The following KIFC3 variants were observed in gnomAD, a reference collection of about 807,000 sequenced individuals.
KIFC3 encodes the protein kinesin-like protein KIFC3.
A neutral mutation model predicts 101.8 loss-of-function variants in KIFC3; 60 were observed. The observed-to-expected ratio is 0.59, with a 90% CI of 0.48 to 0.73. The LOEUF (loss-of-function observed/expected upper bound fraction) is 0.73, where lower values mean the gene tolerates loss of function less well. Ranked by LOEUF, KIFC3 falls within the 30% of genes least tolerant of loss-of-function variation. The pLI is 0.00. For missense variants in KIFC3, 966 were observed against 1,137.1 expected, an observed-to-expected ratio of 0.85 and a Z score of 2.16; for synonymous variants, 476 against 482.7, an observed-to-expected ratio of 0.99 and a Z score of 0.18.
intron 9 of KIFC3, among the ~76,000 whole-genome samples, chr16:57,768,581 G>C (rs1334517028): frequency 6.7e-6 from 1 of 149,546 alleles, no homozygotes; most frequent in Non-Finnish European, 1.5e-5. Context: ...GGGAAATGCT[G>C]AGAGGCCACA....
At chr16:57,854,100 C>T (rs551585994) in intron 1 of KIFC3, among the ~76,000 whole-genome samples, 1 of 152,090 alleles carries the variant, frequency 6.6e-6, no homozygotes, top group East Asian at 1.9e-4. Context: ...CACCATCACA[C>T]CCAGCTAATT....
chr16:57,803,437 C>G (rs1555626285), upstream of KIFC3: 2 of 485,656 alleles, frequency 4.1e-6, no homozygotes, highest in African/African-American at 3.9e-5. Context: ...CCAGCCCATG[C>G]AGGCTGACGG....
intron 1 of KIFC3, among the ~76,000 whole-genome samples, chr16:57,840,236 G>T (rs1343894437): frequency 2.6e-5 from 4 of 152,134 alleles, no homozygotes; most frequent in African/African-American, 9.7e-5. Flanking sequence ...TGCTCAGGAG[G>T]CTGAGGCAGA....
chr16:57,769,866 A>G lies in KIFC3; in HGVS notation c.1029T>C (p.Ile343=), dbSNP rs1555606242. 3 of 1,613,678 alleles carry G rather than the reference A, an allele frequency of 1.9e-6. No individual in the cohort carries two copies. The highest frequency in any genetic ancestry group is 2.5e-6 in the Non-Finnish European group (3 of 1,180,008). ...CCTGGGCTCTGGCAAAGGCCTCCTC[A>G]ATGGCCCGGTTCTTGTCCTCTTCCA... is the stretch of plus-strand genomic sequence containing the variant. ...QSLEEDKNRA[I]EEAFARAQVE... Residue 343 remains isoleucine, a synonymous_variant, in exon 8 of 20, where the codon ATT becomes ATC. Transcript: ENST00000445690. This position sits in a 1 kb window ranked among gnomAD's most constrained non-coding sequence, Gnocchi z 4.3.
At chr16:57,855,885 G>A (rs1411104166) in intron 1 of KIFC3, among the ~76,000 whole-genome samples, 1 of 150,094 alleles carries the variant, frequency 6.7e-6, no homozygotes, top group African/African-American at 2.4e-5. Context: ...GGCAGAGGTT[G>A]TAGTGAGCCA....
chr16:57,765,490 T>G lies in KIFC3; in HGVS notation c.1481A>C (p.Lys494Thr), dbSNP rs1366514516. 6.3e-7 allele frequency: 1 copy of G among 1,588,356 alleles called. No homozygotes were observed. Among genetic ancestry groups the G allele is most frequent in the Non-Finnish European group, 8.6e-7 (1 of 1,166,222 alleles). Residue 494 changes from lysine (K) to threonine (T), a missense_variant, in exon 11 of 20, where the codon AAG (lysine) becomes ACG (threonine). Physicochemically the swap from Lys to Thr is moderately conservative, Grantham distance 78. Coordinates refer to ENST00000445690, the MANE Select transcript of KIFC3 (RefSeq NM_001130100.2). ...KGKPVSFELDKVFSPQASQQD... is the reference protein window; with the variant it reads ...KGKPVSFELDTVFSPQASQQD... ...CTGCGAGGCCTGTGGGGAGAAGACC[T>G]TGTCCAGCTCGAAGGACACAGGCTT...
intron 1 of KIFC3, among the ~76,000 whole-genome samples, chr16:57,825,101 C>T (rs2055431167): frequency 6.6e-6 from 1 of 152,160 alleles, no homozygotes; most frequent in African/African-American, 2.4e-5. Context: ...CCCAGCCCAG[C>T]CCTCCTAGCA....
intron 1 of KIFC3, among the ~76,000 whole-genome samples, chr16:57,858,681 T>C (rs2056230734): frequency 6.6e-6 from 1 of 152,120 alleles, no homozygotes; most frequent in African/African-American, 2.4e-5. Context: ...GTGCAGTGGC[T>C]CACACCTGTC....
chr16:57,775,816 C>T (rs1236433382), intron 3 of KIFC3: 1 of 985,528 alleles, frequency 1.0e-6, no homozygotes, highest in East Asian at 1.1e-4. Flanking sequence ...CCCAGGACAG[C>T]ATGGACGTCA....
At position 57,758,439 on chromosome 16, in the gene KIFC3, C is replaced by T; in HGVS notation, c.*495G>A. ...TCCGCACACCCCCCAGCTGCGGGAA[C>T]CCTCCTTGAAGGAGAGGGGCGGGGA... On this transcript the variant is annotated 3_prime_UTR_variant, in exon 20 of 20. Transcript: ENST00000445690. 2.7e-6 allele frequency: 1 copy of T among 375,034 alleles called. No homozygotes were observed. Among genetic ancestry groups the T allele is most frequent in the Non-Finnish European group, 5.2e-6 (1 of 193,160 alleles). The allele number at this position is 375,034 out of a possible 1,614,324, so 23.2% of individuals were successfully genotyped here.
chr16:57,777,737 A>T (rs2967158), intron 3 of KIFC3, among the ~76,000 whole-genome samples: 141,823 of 148,652 alleles, frequency 0.95, 67,924 homozygotes, highest in African/African-American at 0.99. Context: ...AAAAAAAATT[A>T]AAAAAAAAAA....
chr16:57,784,755 T>C (rs1212016396), intron 3 of KIFC3, among the ~76,000 whole-genome samples: 1 of 150,542 alleles, frequency 6.6e-6, no homozygotes, highest in Non-Finnish European at 1.5e-5. Flanking sequence ...ACACTGAGGA[T>C]GAGAGTGGGG....
At chr16:57,805,058 T>TGACCTCAAGTGATCCCCC (rs1386041457), upstream of KIFC3, among the ~76,000 whole-genome samples, 1 of 152,144 alleles carries the variant, frequency 6.6e-6, no homozygotes, top group Non-Finnish European at 1.5e-5. Context: ...TTCGAACTCC[T>TGACCTCAAGTGATCCCCC]GACCTCAAGT....
At chr16:57,819,452 G>T (rs933742422) in intron 1 of KIFC3, among the ~76,000 whole-genome samples, 1 of 152,194 alleles carries the variant, frequency 6.6e-6, no homozygotes, top group African/African-American at 2.4e-5. Context: ...GATATCTCCT[G>T]TTTGGACACC....
At chr16:57,760,680 G>T in intron 16 of KIFC3, 46 bp downstream of exon 16, 1 of 1,519,032 alleles carries the variant, frequency 6.6e-7, no homozygotes, top group Non-Finnish European at 9.1e-7. Context: ...TGCTAGCGTA[G>T]CCCCTACATG....
intron 1 of KIFC3, among the ~76,000 whole-genome samples, chr16:57,800,932 T>C (rs2054683876): frequency 6.6e-6 from 1 of 152,150 alleles, no homozygotes. Flanking sequence ...CTGGCTCCCC[T>C]GTTTACTAGA....
At chr16:57,853,480 AG>A (rs2056099672) in intron 1 of KIFC3, among the ~76,000 whole-genome samples, 1 of 152,158 alleles carries the variant, frequency 6.6e-6, no homozygotes, top group East Asian at 1.9e-4. Context: ...AGGATAAGAA[AG>A]GGCAAACAGA....
chr16:57,773,977 T>C (rs1283227008), intron 3 of KIFC3: 10 of 152,218 alleles, frequency 6.6e-5, no homozygotes, highest in African/African-American at 2.4e-4. Context: ...CTGCTCTTGG[T>C]GGGGCAGGGG....
intron 1 of KIFC3, among the ~76,000 whole-genome samples, chr16:57,808,870 T>C (rs2055004405): frequency 6.6e-6 from 1 of 152,156 alleles, no homozygotes; most frequent in Non-Finnish European, 1.5e-5. Context: ...GAGATGTAAA[T>C]TGGAGCAAGC....
Sources: allele counts gnomAD v4.1 joint callset (sites outside exome capture counted in the v4.1 genomes callset), GRCh38; gene constraint gnomAD v4.1.1; non-coding constraint Gnocchi (gnomAD v3.1); transcripts MANE v1.5; gene names NCBI Gene and HGNC (gene_info 2026-07-23, HGNC 2026-07-21).